CD81: variants seen among roughly 807,000 people sequenced by gnomAD.
CD81 encodes CD81 antigen.
A neutral mutation model predicts 30.1 loss-of-function variants in CD81; 10 were observed. That is an observed-to-expected ratio of 0.33 (90% confidence interval 0.21 to 0.56). CD81 has a LOEUF of 0.56. CD81 is among the 20% of genes least tolerant of loss of function. The pLI, the probability that CD81 is intolerant of heterozygous loss-of-function variation, is 0.89. For missense variants in CD81, 263 were observed against 308.7 expected, an observed-to-expected ratio of 0.85 and a Z score of 1.11; for synonymous variants, 147 against 126.4, an observed-to-expected ratio of 1.16 and a Z score of -1.10.
intron 1 of CD81, among the ~76,000 whole-genome samples, chr11:2,387,175 A>T (rs1297847558): frequency 1.3e-5 from 2 of 152,020 alleles, no homozygotes; most frequent in Non-Finnish European, 2.9e-5. Flanking sequence ...GCCTCTACAG[A>T]GCAGCTTCCG....
chr11:2,388,619 G>A (rs2133452899), intron 1 of CD81, among the ~76,000 whole-genome samples: 1 of 152,324 alleles, frequency 6.6e-6, no homozygotes, highest in African/African-American at 2.4e-5. Flanking sequence ...TCAGCTGCTG[G>A]GACAGGACCT....
intron 1 of CD81, chr11:2,386,014 C>T (rs887457758): frequency 1.1e-5 from 8 of 713,976 alleles, no homozygotes; most frequent in East Asian, 2.7e-5. Flanking sequence ...GTGGCTGGAC[C>T]GTTTTACAGC....
Position 2,377,661 on chromosome 11 carries a change from C to G in CD81, c.66+46C>G. 1 of 1,321,338 alleles carries G rather than the reference C, an allele frequency of 7.6e-7. No homozygotes were observed. The highest frequency in any genetic ancestry group is 1.0e-6 in the Non-Finnish European group (1 of 962,158). 81.9% of individuals were successfully genotyped at this position (1,321,338 alleles called of 1,614,324 possible). On this transcript the variant is annotated intron_variant, in intron 1 of 7. Transcript: ENST00000263645. The surrounding 1 kb of genome is among the most constrained non-coding windows in gnomAD (Gnocchi z 7.7). ...CGGGGCGGGAGGGGGCAGGCACACA[C>G]TCCACGTTGGGCAGGTCCCGCGGCA...
chr11:2,380,550 T>C (rs904717117), intron 1 of CD81, among the ~76,000 whole-genome samples: 3 of 152,218 alleles, frequency 2.0e-5, no homozygotes, highest in Admixed American at 2.0e-4. Flanking sequence ...TGGGGGCCAG[T>C]GAGAACTGGG....
rs906110744 is a variant in CD81 at position 2,390,204 on chromosome 11, C to A, written c.67-208C>A. 6.2e-6 allele frequency: 4 copies of A among 647,594 alleles called. No individual in the cohort carries two copies. In the African/African-American group the frequency reaches 7.1e-5, roughly 12 times the overall value. The allele number at this position is 647,594 out of a possible 1,614,324, so 40.1% of individuals were successfully genotyped here. A position where few individuals can be genotyped will look rare whatever the true frequency, so the allele number is the denominator to read the frequency against. ...CACAGGTGCAGGGCAGGGCCAGGCT[C>A]CAAGTAGATGGCGGCCAAAGCACCC... On this transcript the variant is annotated intron_variant, in intron 1 of 7. Transcript: ENST00000263645.
intron 1 of CD81, among the ~76,000 whole-genome samples, chr11:2,388,069 C>T (rs1468801732): frequency 6.6e-6 from 1 of 152,170 alleles, no homozygotes; most frequent in East Asian, 1.9e-4. Flanking sequence ...ATTTTTGAGA[C>T]AGGGTCTTGC....
chr11:2,395,799 C>G, intron 5 of CD81, 70 bp from the exon 6 acceptor site: 1 of 1,071,862 alleles, frequency 9.3e-7, no homozygotes, highest in South Asian at 1.2e-5. Flanking sequence ...GCCACCTCCC[C>G]ATGGGTTCCC....
intron 1 of CD81, chr11:2,379,108 C>G (rs2651796): frequency 0.7 from 318,976 of 453,362 alleles, 116,410 homozygotes; most frequent in Non-Finnish European, 0.8. Flanking sequence ...GGACCTCAGC[C>G]GTTGCTTAGT....
intron 1 of CD81, among the ~76,000 whole-genome samples, chr11:2,383,026 C>T (rs1849729290): frequency 6.6e-6 from 1 of 152,208 alleles, no homozygotes; most frequent in Admixed American, 6.5e-5. Context: ...ACACCAGCAT[C>T]CTCTGAGCAT....
intron 1 of CD81, chr11:2,379,218 C>T (rs1179735766): frequency 4.4e-6 from 2 of 450,554 alleles, no homozygotes; most frequent in Non-Finnish European, 8.9e-6. Flanking sequence ...CGAGTGTGGA[C>T]CTGGGGGTGG....
At position 2,377,446 on chromosome 11, in the gene CD81, G is replaced by C; in HGVS notation, c.-104G>C. The C allele has an allele frequency of 5.5e-6, 1 of 181,400 alleles. No individual in the cohort carries two copies. The highest frequency in any genetic ancestry group is 9.0e-6 in the Non-Finnish European group (1 of 111,412). 11.2% of individuals were successfully genotyped at this position (181,400 alleles called of 1,614,324 possible). On this transcript the variant is annotated 5_prime_UTR_variant, in exon 1 of 8. Transcript: ENST00000263645. This position sits in a 1 kb window ranked among gnomAD's most constrained non-coding sequence, Gnocchi z 7.7. The stretch of plus-strand genomic sequence containing the variant: ...CCCTTTCTTCGCGCCCCCGCCCCTC[G>C]GCCCGCCAGGCCCCCTTGCCGGCCA...
At chr11:2,380,756 C>T (rs1455909425) in intron 1 of CD81, among the ~76,000 whole-genome samples, 1 of 152,194 alleles carries the variant, frequency 6.6e-6, no homozygotes. Flanking sequence ...GGAGCCTTGC[C>T]TTCCTCATCT....
rs557331687 is a variant in CD81 at position 2,378,584 on chromosome 11, A to G, written c.66+969A>G. On this transcript the variant is annotated intron_variant, in intron 1 of 7. Transcript: ENST00000263645. This position sits in a 1 kb window ranked among gnomAD's most constrained non-coding sequence, Gnocchi z 4.9. ...TGATGGGCTTTCGCCTTTTGTTTCC[A>G]TTTCCTGTCGGTGTTAGAATTGGGG... 2.3e-3 allele frequency among the ~76,000 whole-genome samples: 341 copies of G among 151,110 alleles called. 1 individual carries two copies. The highest frequency in any genetic ancestry group is 6.8e-3 in the Middle Eastern group (2 of 294).
intron 1 of CD81, among the ~76,000 whole-genome samples, chr11:2,385,302 TC>T (rs1411343936): frequency 6.6e-6 from 1 of 151,972 alleles, no homozygotes; most frequent in Non-Finnish European, 1.5e-5. Flanking sequence ...CATCACCAAC[TC>T]CCCAGGTGCC....
intron 1 of CD81, among the ~76,000 whole-genome samples, chr11:2,380,075 C>T (rs1457400103): frequency 6.6e-6 from 1 of 152,166 alleles, no homozygotes. Flanking sequence ...GCTGACATGC[C>T]TGAGTGTTGA....
chr11:2,393,833 G>A (rs1245551045), intron 2 of CD81: 2 of 645,762 alleles, frequency 3.1e-6, no homozygotes, highest in African/African-American at 1.8e-5. Context: ...CCTGTCGCCA[G>A]CACTCAGAGC....
chr11:2,389,280 C>G (rs934212331), intron 1 of CD81, among the ~76,000 whole-genome samples: 2 of 152,190 alleles, frequency 1.3e-5, no homozygotes, highest in Non-Finnish European at 2.9e-5. Context: ...CAGCAGGACT[C>G]AGGGTCACTG....
At chr11:2,386,769 GTCCC>G (rs1849805981) in intron 1 of CD81, 2 of 652,514 alleles carry the variant, frequency 3.1e-6, no homozygotes, top group Admixed American at 4.2e-5. Context: ...ATTTCCGGCT[GTCCC>G]TCCCACCCCC....
chr11:2,390,266 T>C (rs1849874638), intron 1 of CD81, 146 bp from the exon 2 acceptor site: 1 of 745,018 alleles, frequency 1.3e-6, no homozygotes, highest in East Asian at 2.5e-5. Flanking sequence ...CTTCAGGGCA[T>C]TGCGAAAACC....
Sources: allele counts gnomAD v4.1 joint callset (sites outside exome capture counted in the v4.1 genomes callset), GRCh38; gene constraint gnomAD v4.1.1; non-coding constraint Gnocchi (gnomAD v3.1); transcripts MANE v1.5; gene names NCBI Gene and HGNC (gene_info 2026-07-23, HGNC 2026-07-21).